CEP112: variants seen among roughly 807,000 people sequenced by gnomAD.
CEP112 encodes centrosomal protein of 112 kDa.
A neutral mutation model predicts 153.0 loss-of-function variants in CEP112; 127 were observed. The observed-to-expected ratio is 0.83, with a 90% CI of 0.72 to 0.96. CEP112 has a LOEUF of 0.96. Ranked by LOEUF, CEP112 falls within the 40% of genes least tolerant of loss-of-function variation. The probability of loss-of-function intolerance (pLI) is 0.00; values close to 1 mark genes in which losing one functional copy is unlikely to be tolerated. For missense variants in CEP112, 1,089 were observed against 1,101.2 expected, an observed-to-expected ratio of 0.99 and a Z score of 0.16; for synonymous variants, 358 against 374.4, an observed-to-expected ratio of 0.96 and a Z score of 0.51.
chr17:65,747,367 A>G (rs1169674323), intron 22 of CEP112, among the ~76,000 whole-genome samples: 1 of 152,156 alleles, frequency 6.6e-6, no homozygotes, highest in Admixed American at 6.5e-5. Flanking sequence ...GGCATTGGGT[A>G]GTGTGGGACA....
intron 18 of CEP112, among the ~76,000 whole-genome samples, chr17:65,938,435 AAG>A (rs2061419527): frequency 6.6e-6 from 1 of 150,998 alleles, no homozygotes; most frequent in African/African-American, 2.4e-5. Flanking sequence ...AAAAAAAAGA[AAG>A]AAAAAAAAAT....
At chr17:65,861,722 C>T (rs1416495962) in intron 20 of CEP112, among the ~76,000 whole-genome samples, 1 of 152,144 alleles carries the variant, frequency 6.6e-6, no homozygotes, top group East Asian at 1.9e-4. Flanking sequence ...ATTTGCAAAA[C>T]TCAAGAAGTC....
At chr17:65,705,614 C>T (rs1006163856) in intron 23 of CEP112, among the ~76,000 whole-genome samples, 2 of 152,112 alleles carry the variant, frequency 1.3e-5, no homozygotes, top group African/African-American at 4.8e-5. Flanking sequence ...TTCAATGACA[C>T]CACAAGGAAG....
At chr17:65,877,259 AG>A (rs1326956098) in intron 20 of CEP112, among the ~76,000 whole-genome samples, 2 of 152,236 alleles carry the variant, frequency 1.3e-5, no homozygotes, top group Non-Finnish European at 2.9e-5. Flanking sequence ...AGGAAGAGGC[AG>A]GAAGTGCAGG....
chr17:65,997,362 A>G (rs2063828229), intron 17 of CEP112, among the ~76,000 whole-genome samples: 1 of 152,200 alleles, frequency 6.6e-6, no homozygotes, highest in African/African-American at 2.4e-5. Flanking sequence ...TTAAAAACAA[A>G]GTGTGTCATC....
At chr17:65,739,179 G>A (rs1567942300) in intron 23 of CEP112, among the ~76,000 whole-genome samples, 2 of 152,232 alleles carry the variant, frequency 1.3e-5, no homozygotes, top group East Asian at 3.9e-4. Context: ...GCTTTCTGCT[G>A]AATGTAACCT....
At chr17:65,903,333 C>A (rs1056701583) in intron 19 of CEP112, 1 of 152,196 alleles carries the variant, frequency 6.6e-6, no homozygotes, top group Non-Finnish European at 1.5e-5. Flanking sequence ...TGCTCCAAAT[C>A]GATCTTGTTT....
At chr17:65,979,446 C>T (rs1186023759) in intron 17 of CEP112, among the ~76,000 whole-genome samples, 1 of 151,916 alleles carries the variant, frequency 6.6e-6, no homozygotes, top group Non-Finnish European at 1.5e-5. Context: ...CACTATGTTG[C>T]CCAGGCGTGT....
chr17:65,956,399 C>T (rs1047269997), intron 18 of CEP112, among the ~76,000 whole-genome samples: 17 of 149,274 alleles, frequency 1.1e-4, no homozygotes. Flanking sequence ...GATATATATA[C>T]ATACATACAT....
intron 24 of CEP112, among the ~76,000 whole-genome samples, chr17:65,666,222 A>G (rs2046684191): frequency 6.6e-6 from 1 of 152,276 alleles, no homozygotes; most frequent in African/African-American, 2.4e-5. Flanking sequence ...AAAGTAAACA[A>G]CAATAATAAA....
At chr17:65,939,937 C>T (rs1158565796) in intron 18 of CEP112, among the ~76,000 whole-genome samples, 4 of 151,782 alleles carry the variant, frequency 2.6e-5, no homozygotes, top group African/African-American at 9.7e-5. Context: ...AAACAATCAA[C>T]AAAGTAAAAA....
At chr17:66,121,276 C>A (rs1348373107) in intron 6 of CEP112, among the ~76,000 whole-genome samples, 69 of 138,128 alleles carry the variant, frequency 5.0e-4, no homozygotes, top group Non-Finnish European at 5.3e-4. Context: ...CACTTCGTCT[C>A]AAAAAAAAAA....
intron 21 of CEP112, among the ~76,000 whole-genome samples, chr17:65,762,871 A>G (rs1166761698): frequency 6.6e-6 from 1 of 152,052 alleles, no homozygotes; most frequent in Non-Finnish European, 1.5e-5. Context: ...GAAGAAAAAT[A>G]AAAGTTTTAA....
At chr17:65,807,220 G>T (rs1235559474) in intron 21 of CEP112, among the ~76,000 whole-genome samples, 2 of 152,302 alleles carry the variant, frequency 1.3e-5, no homozygotes, top group South Asian at 4.1e-4. Flanking sequence ...ATGATTTAGG[G>T]TATCAGGTGG....
In CEP112 at chr17:66,025,699, G is replaced by T. The variant is rs2065171941; in HGVS notation, c.1656+1802C>A. ...GAAAGGAAACACTAACACTCTGCTG[G>T]TGGGAATGTAAATTAGTATAATCTC... On this transcript the variant is annotated intron_variant, in intron 16 of 26. Transcript: ENST00000535342. Among the ~76,000 whole-genome samples, 5 of 152,068 alleles carry T rather than the reference G, an allele frequency of 3.3e-5. 1 individual carries two copies. The South Asian group carries it at 1.0e-3, about 32-fold the overall frequency.
chr17:65,664,242 T>G (rs2046564286), intron 24 of CEP112, among the ~76,000 whole-genome samples: 1 of 151,992 alleles, frequency 6.6e-6, no homozygotes, highest in Non-Finnish European at 1.5e-5. Context: ...AAAAGGAAAT[T>G]CCAGGTGAAG....
At chr17:65,868,809 T>C (rs1458279977) in intron 20 of CEP112, among the ~76,000 whole-genome samples, 2 of 152,240 alleles carry the variant, frequency 1.3e-5, no homozygotes, top group Admixed American at 6.5e-5. Context: ...TATACAATTA[T>C]ACAATATGCG....
rs564895854 is a variant in CEP112, at chr17:65,811,025, T to C, written c.2394+40779A>G. ...AAATGAAAAGGCAGTGTTGGAGGTT[T>C]GAGAAGAATAGACGGAGATGAAATT... On this transcript the variant is annotated intron_variant, in intron 21 of 26. Transcript: ENST00000535342. Among the ~76,000 whole-genome samples, 3 of 152,326 alleles carry C rather than the reference T, an allele frequency of 2.0e-5. No homozygotes were observed. The South Asian group carries it at 6.2e-4, about 32-fold the overall frequency.
At chr17:65,637,231 C>T in intron 25 of CEP112, 43 bp from the exon 26 acceptor site, 1 of 1,336,316 alleles carries the variant, frequency 7.5e-7, no homozygotes, top group African/African-American at 1.4e-5. Context: ...ACGTGGCTTA[C>T]ATGTCAATAT....
Sources: allele counts gnomAD v4.1 joint callset (sites outside exome capture counted in the v4.1 genomes callset), GRCh38; gene constraint gnomAD v4.1.1; transcripts MANE v1.5; gene names NCBI Gene and HGNC (gene_info 2026-07-23, HGNC 2026-07-21).